Variants in AKR7A3 observed in about 807,000 individuals in gnomAD.
AKR7A3 encodes the protein aldo-keto reductase family 7 member A3, also known as AFB1 aldehyde reductase 2.
Under a neutral mutation model 32.5 loss-of-function variants are expected in AKR7A3, and 37 were observed. That is an observed-to-expected ratio of 1.14 (90% CI 0.88 to 1.50). The LOEUF (loss-of-function observed/expected upper bound fraction) is 1.50. AKR7A3 is among the 40% of genes most tolerant of loss of function. The probability of loss-of-function intolerance (pLI) is 0.00; values close to 1 mark genes in which losing one functional copy is unlikely to be tolerated. For synonymous variants in AKR7A3, 177 were observed against 188.4 expected, an observed-to-expected ratio of 0.94 and a Z score of 0.50; for missense variants, 412 against 453.2, an observed-to-expected ratio of 0.91 and a Z score of 0.83.
chr1:19,278,503 A>G (rs2093714181), downstream of AKR7A3, among the ~76,000 whole-genome samples: 1 of 151,612 alleles, frequency 6.6e-6, no homozygotes, highest in Non-Finnish European at 1.5e-5. Context: ...GGAGGTTGCA[A>G]TGAGCCAAGA....
chr1:19,287,807 G>C (rs2093733489), intron 1 of AKR7A3, among the ~76,000 whole-genome samples: 1 of 152,170 alleles, frequency 6.6e-6, no homozygotes, highest in Non-Finnish European at 1.5e-5. Flanking sequence ...CTCTAGAACT[G>C]GAGCTTCCTG....
the AKR7A3 span, among the ~76,000 whole-genome samples, chr1:19,274,362 G>A: frequency 2.0e-5 from 3 of 151,912 alleles, no homozygotes; most frequent in Non-Finnish European, 4.4e-5. Context: ...CCGCAAGGGT[G>A]AGGGGGTCCA....
Position 19,285,971 on chromosome 1 carries a change from G to A in AKR7A3, c.424C>T (p.Leu142Phe), listed in dbSNP as rs1299974187. ...HQEGKFVELG[L>F]SNYAAWEVAE... Reference sequence around the variant, plus strand: ...ACTTCCCAGGCTGCATAGTTGGAGAGGCCAAGCTCCACGAACTTGCCCTGC... The same window carrying A: ...ACTTCCCAGGCTGCATAGTTGGAGAAGCCAAGCTCCACGAACTTGCCCTGC... The change falls in exon 3 of 7, where the codon CTC becomes TTC. Residue 142 changes from leucine to phenylalanine, a missense_variant. Physicochemically the swap from Leu to Phe is conservative, Grantham distance 22. Coordinates refer to ENST00000361640, the MANE Select transcript of AKR7A3 (RefSeq NM_012067.3). 5 of 1,613,730 alleles carry A rather than the reference G, an allele frequency of 3.1e-6. No homozygotes were observed. The highest frequency in any genetic ancestry group is 3.4e-6 in the Non-Finnish European group (4 of 1,179,952).
downstream of AKR7A3, among the ~76,000 whole-genome samples, chr1:19,282,391 C>T (rs990867592): frequency 5.9e-5 from 9 of 151,776 alleles, no homozygotes; most frequent in African/African-American, 1.7e-4. Context: ...GACACGCTGG[C>T]GCCGCTTCCC....
At chr1:19,275,129 C>T in the AKR7A3 span, among the ~76,000 whole-genome samples, 15 of 151,566 alleles carry the variant, frequency 9.9e-5, no homozygotes, top group South Asian at 4.2e-4. Flanking sequence ...TAAAAAGATG[C>T]GCCAGGCGGA....
At chr1:19,282,451 C>T (rs570998472), downstream of AKR7A3, 54 of 492,452 alleles carry the variant, frequency 1.1e-4, no homozygotes, top group East Asian at 2.1e-4. Flanking sequence ...GAGCAGATGC[C>T]GGCACCACAC....
At position 19,285,869 on chromosome 1, in the gene AKR7A3, C is replaced by T. The variant is rs748405577; in HGVS notation, c.507+19G>A. 1.5e-5 allele frequency: 24 copies of T among 1,613,420 alleles called. No individual in the cohort carries two copies. Among genetic ancestry groups the T allele is most frequent in the Non-Finnish European group, 1.9e-5 (22 of 1,179,844 alleles). On this transcript the variant is annotated intron_variant, in intron 3 of 6. Coordinates refer to ENST00000361640, the MANE Select transcript of AKR7A3 (RefSeq NM_012067.3). ...GCAGGAGTTCTGGAGACCTTGGCCT[C>T]TGCAGCCCTGGCTCTCACCTGGTAC...
chr1:19,278,671 T>C (rs2093714530), downstream of AKR7A3, among the ~76,000 whole-genome samples: 1 of 151,950 alleles, frequency 6.6e-6, no homozygotes, highest in Non-Finnish European at 1.5e-5. Context: ...TGCTGTTTCA[T>C]GTATTCAGAG....
the AKR7A3 span, among the ~76,000 whole-genome samples, chr1:19,274,356 A>AT: frequency 6.6e-6 from 1 of 151,822 alleles, no homozygotes; most frequent in Non-Finnish European, 1.5e-5. Flanking sequence ...TCAAGTCCGC[A>AT]AGGGTGAGGG....
At chr1:19,288,437 CG>C in intron 1 of AKR7A3, 58 bp downstream of exon 1, 1 of 1,572,278 alleles carries the variant, frequency 6.4e-7, no homozygotes, top group Non-Finnish European at 8.6e-7. Context: ...GGGCGGTACA[CG>C]GCTGTGGACA....
chr1:19,282,594 G>T lies in AKR7A3; in HGVS notation c.*137C>A. The T allele has an allele frequency of 7.1e-7, 1 of 1,409,086 alleles. No individual in the cohort carries two copies. Among genetic ancestry groups the T allele is most frequent in the Non-Finnish European group, 9.8e-7 (1 of 1,024,970 alleles). The allele number at this position is 1,409,086 out of a possible 1,614,324, so 87.3% of individuals were successfully genotyped here. ...ACCCTGGGAGTTTTATTCTTCATTTGGTGGTGACTCTTCTATTAGGTTTTT... is the reference window on the plus strand; with the variant it reads ...ACCCTGGGAGTTTTATTCTTCATTTTGTGGTGACTCTTCTATTAGGTTTTT... On this transcript the variant is annotated 3_prime_UTR_variant, in exon 7 of 7. Transcript: ENST00000361640.
rs2093723656 is a variant in AKR7A3 at position 19,284,048 on chromosome 1, G to C, written c.782C>G (p.Pro261Arg). 1 of 1,613,718 alleles carries C rather than the reference G, an allele frequency of 6.2e-7. No individual in the cohort carries two copies. The highest frequency in any genetic ancestry group is 1.1e-5 in the South Asian group (1 of 91,064). The stretch of plus-strand genomic sequence containing the variant: ...CCGGAGGGTGGCCGAGGTCATGCTG[G>C]GGGCGCTGGCGCCATACGCGGCCTG... ...ALQAAYGASA[P>R]SMTSATLRWM... Residue 261 changes from proline (P) to arginine (R), a missense_variant, in exon 6 of 7, where the codon CCC becomes CGC. Pro to Arg is a moderately radical substitution (Grantham distance 103, BLOSUM62 -2). Transcript: ENST00000361640.
At chr1:19,276,020 T>G in the AKR7A3 span, among the ~76,000 whole-genome samples, 1 of 151,950 alleles carries the variant, frequency 6.6e-6, no homozygotes, top group Non-Finnish European at 1.5e-5. Flanking sequence ...TCTCAACAGT[T>G]GTAGAACAGT....
intron 1 of AKR7A3, among the ~76,000 whole-genome samples, chr1:19,288,043 T>C (rs2093733975): frequency 1.3e-5 from 2 of 152,302 alleles, no homozygotes; most frequent in South Asian, 4.1e-4. Context: ...GCAGATAGTG[T>C]GCTGGGTCCA....
the AKR7A3 span, among the ~76,000 whole-genome samples, chr1:19,276,645 T>C: frequency 1.3e-5 from 2 of 150,538 alleles, no homozygotes; most frequent in African/African-American, 2.5e-5. Context: ...CTACTAAAAA[T>C]ATAAAAATTA....
intron 1 of AKR7A3, among the ~76,000 whole-genome samples, chr1:19,287,027 A>T (rs1415107621): frequency 2.0e-5 from 3 of 151,900 alleles, no homozygotes; most frequent in Non-Finnish European, 4.4e-5. Context: ...CAGAGGGTAC[A>T]GATCTGTGGT....
At chr1:19,274,754 T>C in the AKR7A3 span, among the ~76,000 whole-genome samples, 1 of 148,554 alleles carries the variant, frequency 6.7e-6, no homozygotes, top group Non-Finnish European at 1.5e-5. Flanking sequence ...GAATCCAGCC[T>C]GGGCAACATA....
chr1:19,287,070 G>T (rs2093731952), intron 1 of AKR7A3, among the ~76,000 whole-genome samples: 1 of 151,880 alleles, frequency 6.6e-6, no homozygotes, highest in South Asian at 2.1e-4. Flanking sequence ...ACTTTGGGAG[G>T]CCAGAGCAGG....
At chr1:19,285,209 A>G (rs1415207652) in intron 3 of AKR7A3, 95 bp from the exon 4 acceptor site, 1 of 1,177,058 alleles carries the variant, frequency 8.5e-7, no homozygotes, top group Non-Finnish European at 1.2e-6. Context: ...GACCTTAACA[A>G]TTCTAGGACT....
Sources: allele counts gnomAD v4.1 joint callset (sites outside exome capture counted in the v4.1 genomes callset), GRCh38; gene constraint gnomAD v4.1.1; transcripts MANE v1.5; gene names NCBI Gene and HGNC (gene_info 2026-07-23, HGNC 2026-07-21).